SUSD1: variants seen among roughly 807,000 people sequenced by gnomAD.
The protein encoded by SUSD1 is sushi domain-containing protein 1.
A neutral mutation model predicts 86.9 loss-of-function variants in SUSD1; 65 were observed. That is an observed-to-expected ratio of 0.75 (90% CI 0.61 to 0.92). The LOEUF (loss-of-function observed/expected upper bound fraction) is 0.92. Ranked by LOEUF, SUSD1 falls within the 40% of genes least tolerant of loss-of-function variation. The pLI is 0.00. For synonymous variants in SUSD1, 346 were observed against 350.0 expected, an observed-to-expected ratio of 0.99 and a Z score of 0.13; for missense variants, 850 against 929.7, an observed-to-expected ratio of 0.91 and a Z score of 1.11.
rs1829704190 is a variant in SUSD1 at position 112,080,172 on chromosome 9, T to C, written c.1475-7A>G. 1.9e-6 allele frequency: 3 copies of C among 1,602,542 alleles called. No homozygotes were observed. In the African/African-American group the frequency reaches 4.0e-5, roughly 21 times the overall value. On this transcript the variant is annotated splice_polypyrimidine_tract_variant and splice_region_variant and intron_variant, in intron 10 of 16. Transcript: ENST00000374270. ...TTACTGATGGTCTGTTTTACTGTAGTGGAAAAGAAATGAGAAATCAATTTA... is the reference window on the plus strand; with the variant it reads ...TTACTGATGGTCTGTTTTACTGTAGCGGAAAAGAAATGAGAAATCAATTTA...
intron 6 of SUSD1, among the ~76,000 whole-genome samples, chr9:112,115,350 T>C (rs112128094): frequency 6.6e-6 from 1 of 152,162 alleles, no homozygotes; most frequent in Admixed American, 6.5e-5. Context: ...TAAGCCCAAG[T>C]TATCTATTAG....
chr9:112,160,883 C>T (rs180804464), intron 1 of SUSD1, among the ~76,000 whole-genome samples: 3 of 152,226 alleles, frequency 2.0e-5, no homozygotes, highest in Admixed American at 1.3e-4. Flanking sequence ...TCACTGATGC[C>T]GCACAAAACA....
intron 5 of SUSD1, among the ~76,000 whole-genome samples, chr9:112,128,441 C>T (rs1004457700): frequency 5.9e-5 from 9 of 151,384 alleles, no homozygotes; most frequent in Admixed American, 2.6e-4. Flanking sequence ...TCACCCAGGC[C>T]GGAGTACAGT....
chr9:112,052,346 G>A, intron 15 of SUSD1, 53 bp downstream of exon 15: 1 of 1,613,296 alleles, frequency 6.2e-7, no homozygotes, highest in Non-Finnish European at 8.5e-7. Context: ...ATATGAACTT[G>A]ATGCTGCAGA....
At chr9:112,124,200 C>T (rs945620821) in intron 6 of SUSD1, 57 bp downstream of exon 6, 3 of 1,537,102 alleles carry the variant, frequency 2.0e-6, no homozygotes, top group East Asian at 2.3e-5. Context: ...TTTAGGCCCT[C>T]GGCTCCCACT....
At chr9:112,133,746 C>T (rs148692208) in intron 5 of SUSD1, among the ~76,000 whole-genome samples, 1 of 152,252 alleles carries the variant, frequency 6.6e-6, no homozygotes, top group East Asian at 1.9e-4. Flanking sequence ...AGCCTCTGTA[C>T]AGCAAAAGAA....
chr9:112,121,127 A>G (rs1268172005), intron 6 of SUSD1, among the ~76,000 whole-genome samples: 1 of 152,176 alleles, frequency 6.6e-6, no homozygotes, highest in Non-Finnish European at 1.5e-5. Context: ...TGTCAGTTAC[A>G]CGTTTGCCCT....
At position 112,102,219 on chromosome 9, in the gene SUSD1, A is replaced by T. The variant is rs376493762; in HGVS notation, c.1238T>A (p.Leu413Ter). 3.7e-6 allele frequency: 6 copies of T among 1,603,496 alleles called. No homozygotes were observed. The highest frequency in any genetic ancestry group is 5.1e-6 in the Non-Finnish European group (6 of 1,175,384). The change falls in exon 9 of 17, where the codon TTG becomes TAG. Residue 413 changes from leucine (L) to a stop codon, truncating the protein, a stop_gained. Coordinates refer to ENST00000374270, the MANE Select transcript of SUSD1 (RefSeq NM_022486.5). LOFTEE classifies it high-confidence loss of function. Reference protein sequence around the residue: ...ISIFNETCLKLNRRSRKVGSE... With the variant: ...ISIFNETCLK ...TCCAACTTTCCTAGAACGCCTGTTC[A>T]ATTTCAAACAAGTTTCATTAAATAT...
At chr9:112,140,648 A>C (rs1431541845) in intron 5 of SUSD1, among the ~76,000 whole-genome samples, 1 of 152,260 alleles carries the variant, frequency 6.6e-6, no homozygotes, top group Non-Finnish European at 1.5e-5. Context: ...AAAGTGGCTG[A>C]AAATAATTCT....
intron 3 of SUSD1, 103 bp from the exon 4 acceptor site, chr9:112,143,726 T>C: frequency 1.6e-6 from 2 of 1,214,554 alleles, no homozygotes; most frequent in Non-Finnish European, 2.3e-6. Context: ...TTCAAGCTAC[T>C]CTTGTAAAAA....
At chr9:112,048,081 C>T (rs902356789) in intron 15 of SUSD1, among the ~76,000 whole-genome samples, 1 of 152,196 alleles carries the variant, frequency 6.6e-6, no homozygotes, top group African/African-American at 2.4e-5. Context: ...CATCTTCAAG[C>T]TGCAGGAGAA....
chr9:112,121,966 G>A (rs1831573957), intron 6 of SUSD1, among the ~76,000 whole-genome samples: 1 of 152,202 alleles, frequency 6.6e-6, no homozygotes, highest in Non-Finnish European at 1.5e-5. Context: ...TTAGGAAAAA[G>A]ACTAACATGT....
At chr9:112,056,909 C>A (rs1402436670) in intron 14 of SUSD1, among the ~76,000 whole-genome samples, 1 of 152,174 alleles carries the variant, frequency 6.6e-6, no homozygotes, top group Non-Finnish European at 1.5e-5. Flanking sequence ...GTCCTAACCT[C>A]CAACTTCATT....
At chr9:112,153,741 G>A (rs893087264) in intron 2 of SUSD1, among the ~76,000 whole-genome samples, 2 of 151,626 alleles carry the variant, frequency 1.3e-5, no homozygotes, top group South Asian at 2.1e-4. Flanking sequence ...AGCCTCCTGA[G>A]TAGCTGAGAT....
intron 12 of SUSD1, among the ~76,000 whole-genome samples, chr9:112,076,601 A>G (rs1247374096): frequency 6.6e-6 from 1 of 152,176 alleles, no homozygotes; most frequent in African/African-American, 2.4e-5. Context: ...TTGGGTGGAT[A>G]TAGGAGTCTG....
intron 15 of SUSD1, among the ~76,000 whole-genome samples, chr9:112,048,131 A>T (rs1011990980): frequency 2.0e-5 from 3 of 152,016 alleles, no homozygotes; most frequent in African/African-American, 4.8e-5. Flanking sequence ...TGAAGCTCCA[A>T]CTTCCCCTAT....
intron 3 of SUSD1, among the ~76,000 whole-genome samples, chr9:112,148,547 G>A (rs755084984): frequency 2.6e-5 from 4 of 152,030 alleles, no homozygotes; most frequent in Admixed American, 6.6e-5. Context: ...AAGGACCCCC[G>A]ACCTGTGGTT....
chr9:112,158,963 A>C (rs1424281732), intron 1 of SUSD1, among the ~76,000 whole-genome samples: 1 of 151,652 alleles, frequency 6.6e-6, no homozygotes, highest in East Asian at 1.9e-4. Context: ...AAGCAAATGG[A>C]GTGAAGAGGA....
At chr9:112,132,978 A>G (rs1382596659) in intron 5 of SUSD1, among the ~76,000 whole-genome samples, 1 of 152,212 alleles carries the variant, frequency 6.6e-6, no homozygotes, top group African/African-American at 2.4e-5. Context: ...AGAAAATGTT[A>G]TACAGCAGAA....
Sources: gnomAD v4.1 joint callset for allele counts (sites outside exome capture counted in the v4.1 genomes callset) on GRCh38, gnomAD v4.1.1 for gene constraint, MANE v1.5 for transcripts, NCBI Gene and HGNC (gene_info 2026-07-23, HGNC 2026-07-21) for gene names.